Variants in CLDN16 observed in about 807,000 individuals in gnomAD.
CLDN16 encodes the protein claudin-16.
CLDN16 carries 13 observed loss-of-function variants against 24.6 expected under a neutral mutation model. The observed-to-expected ratio is 0.53, with a 90% confidence interval of 0.34 to 0.84. The LOEUF (loss-of-function observed/expected upper bound fraction) is 0.84. Among genes scored for constraint, CLDN16 ranks in the 40% least tolerant of loss-of-function variants. The pLI, the probability that CLDN16 is intolerant of heterozygous loss-of-function variation, is 0.01. For missense variants in CLDN16, 298 were observed against 292.7 expected, an observed-to-expected ratio of 1.02 and a Z score of -0.13; for synonymous variants, 116 against 106.7, an observed-to-expected ratio of 1.09 and a Z score of -0.54.
chr3:190,362,541 C>T (rs148317319), intron 1 of CLDN16, among the ~76,000 whole-genome samples: 167 of 152,036 alleles, frequency 1.1e-3, no homozygotes, highest in Admixed American at 1.6e-3. Flanking sequence ...TCCAGTATCC[C>T]GCAGAGCTGG....
intron 3 of CLDN16, among the ~76,000 whole-genome samples, chr3:190,380,240 C>CCCTCCCTTCCTTCCTTCCTTCCTT (rs1417978876): frequency 0.042 from 1,998 of 47,886 alleles, 441 homozygotes; most frequent in Admixed American, 0.046. Context: ...TTCCTTCCCT[C>CCCTCCCTTCCTTCCTTCCTTCCTT]CCTTCCTTCC....
rs1458256618 is a variant in CLDN16 at position 190,388,268 on chromosome 3, A to G, written c.-62A>G. ...GAAACACAGAAGACTGACACCCGCC[A>G]CTTAAGTGGGGCCAGGGCTGGTGTC... On this transcript the variant is annotated 5_prime_UTR_variant, in exon 1 of 5. Coordinates refer to ENST00000264734, the MANE Select transcript of CLDN16 (RefSeq NM_006580.4). The G allele has an allele frequency of 6.2e-7, 1 of 1,608,192 alleles. No individual in the cohort carries two copies. The highest frequency in any genetic ancestry group is 1.7e-5 in the Admixed American group (1 of 59,458).
chr3:190,305,177 A>G, the CLDN16 span, among the ~76,000 whole-genome samples: 2 of 152,214 alleles, frequency 1.3e-5, no homozygotes, highest in African/African-American at 4.8e-5. Context: ...TAGAGCTGCA[A>G]GCCTTTACTT....
chr3:190,315,919 T>C, the CLDN16 span, among the ~76,000 whole-genome samples: 2 of 152,158 alleles, frequency 1.3e-5, no homozygotes, highest in African/African-American at 2.4e-5. Flanking sequence ...CATAAACTAC[T>C]CCAGGGCCCT....
the CLDN16 span, among the ~76,000 whole-genome samples, chr3:190,298,319 T>G: frequency 0.036 from 5,353 of 149,640 alleles, 307 homozygotes; most frequent in African/African-American, 0.12. Flanking sequence ...GCCTTTTCTT[T>G]ACAATAGTTT....
chr3:190,398,981 G>A (rs985125045), intron 1 of CLDN16, among the ~76,000 whole-genome samples: 4 of 152,128 alleles, frequency 2.6e-5, no homozygotes, highest in African/African-American at 9.7e-5. Context: ...CAAGATAGCT[G>A]TTTATCATTA....
At chr3:190,317,774 A>G (rs1317236329), upstream of CLDN16, among the ~76,000 whole-genome samples, 1 of 152,178 alleles carries the variant, frequency 6.6e-6, no homozygotes, top group African/African-American at 2.4e-5. Flanking sequence ...CCCTCCCTAC[A>G]TGCAGGCTTT....
intron 1 of CLDN16, among the ~76,000 whole-genome samples, chr3:190,338,278 T>C (rs1410766075): frequency 6.6e-6 from 1 of 152,136 alleles, no homozygotes; most frequent in African/African-American, 2.4e-5. Context: ...TGATACATGA[T>C]CACTTCTAGT....
chr3:190,326,349 T>C (rs1717059926), intron 1 of CLDN16, among the ~76,000 whole-genome samples: 1 of 152,242 alleles, frequency 6.6e-6, no homozygotes, highest in South Asian at 2.1e-4. Context: ...TCCCACTGAA[T>C]GTCATAGTTA....
the CLDN16 span, among the ~76,000 whole-genome samples, chr3:190,308,706 T>C: frequency 6.6e-6 from 1 of 152,160 alleles, no homozygotes; most frequent in African/African-American, 2.4e-5. Flanking sequence ...CTTTTCCATA[T>C]ATAGGATACT....
chr3:190,305,065 A>G, the CLDN16 span, among the ~76,000 whole-genome samples: 19 of 152,224 alleles, frequency 1.2e-4, no homozygotes, highest in Non-Finnish European at 2.5e-4. Flanking sequence ...AAACAGAGTG[A>G]GAATTCTGAT....
At chr3:190,324,756 C>G (rs1441813163) in intron 1 of CLDN16, among the ~76,000 whole-genome samples, 1 of 152,196 alleles carries the variant, frequency 6.6e-6, no homozygotes, top group Admixed American at 6.5e-5. Flanking sequence ...AGGCCCATCT[C>G]TAGGCATCCT....
At chr3:190,401,594 T>C (rs1163667513) in intron 1 of CLDN16, among the ~76,000 whole-genome samples, 1 of 152,158 alleles carries the variant, frequency 6.6e-6, no homozygotes, top group African/African-American at 2.4e-5. Context: ...TATGAGAAGG[T>C]TCAGGGAACT....
chr3:190,342,648 C>G (rs1271882239), intron 1 of CLDN16, among the ~76,000 whole-genome samples: 2 of 152,064 alleles, frequency 1.3e-5, no homozygotes, highest in African/African-American at 4.8e-5. Flanking sequence ...GGGAGAGTCC[C>G]AAAATAAATC....
At chr3:190,406,188 T>A (rs1271344096) in intron 3 of CLDN16, among the ~76,000 whole-genome samples, 1 of 152,210 alleles carries the variant, frequency 6.6e-6, no homozygotes, top group Non-Finnish European at 1.5e-5. Flanking sequence ...TAACCCTTTG[T>A]ATGCTCAGAA....
the CLDN16 span, among the ~76,000 whole-genome samples, chr3:190,304,764 C>T: frequency 1.3e-5 from 2 of 152,076 alleles, no homozygotes; most frequent in African/African-American, 4.8e-5. Flanking sequence ...AGGAAATATA[C>T]ACAACCAGAT....
In CLDN16 at chr3:190,366,674, TC is replaced by T. The variant is rs1718032408; in HGVS notation, n.122-4218del. 6.6e-5 allele frequency among the ~76,000 whole-genome samples: 10 copies of T among 152,090 alleles called. No homozygotes were observed. In the South Asian group the frequency reaches 2.1e-3, roughly 32 times the overall value. On this transcript the variant is annotated intron_variant and non_coding_transcript_variant, in intron 1 of 4. Coordinates refer to the CLDN16 transcript ENST00000468220. ...GGAGCTCTGTGTTTGGGATGACCCT[TC>T]AGAGTTGACCCAAACTGGGGGAAAG...
Position 190,332,294 on chromosome 3 carries a change from T to G in CLDN16, n.121+9633T>G, listed in dbSNP as rs539696529. ...GATAATTATTCACATATTTCTGAAT[T>G]TAACAAAAGTTCTGATTATATGTAA... On this transcript the variant is annotated intron_variant and non_coding_transcript_variant, in intron 1 of 4. Coordinates refer to the CLDN16 transcript ENST00000468220. Among the ~76,000 whole-genome samples, 584 of 152,298 alleles carry G rather than the reference T, an allele frequency of 3.8e-3. 3 individuals carry two copies. The highest frequency in any genetic ancestry group is 0.013 in the African/African-American group (552 of 41,570).
chr3:190,323,841 T>C (rs1400843078), intron 1 of CLDN16, among the ~76,000 whole-genome samples: 3 of 152,150 alleles, frequency 2.0e-5, no homozygotes, highest in Non-Finnish European at 2.9e-5. Context: ...CAATGAAGAA[T>C]GTAAGACAGG....
Sources: gnomAD v4.1 joint callset for allele counts (sites outside exome capture counted in the v4.1 genomes callset) on GRCh38, gnomAD v4.1.1 for gene constraint, MANE v1.5 for transcripts, NCBI Gene and HGNC (gene_info 2026-07-23, HGNC 2026-07-21) for gene names.